Variants in WWOX observed in about 807,000 individuals in gnomAD.
WWOX encodes the protein WW domain containing oxidoreductase.
A neutral mutation model predicts 46.2 loss-of-function variants in WWOX; 69 were observed. The observed-to-expected ratio is 1.49, with a 90% CI of 1.23 to 1.82. WWOX has a LOEUF of 1.82. Ranked by LOEUF, WWOX falls within the 40% of genes most tolerant of loss-of-function variation. The pLI, the probability that WWOX is intolerant of heterozygous loss-of-function variation, is 0.00. For synonymous variants in WWOX, 359 were observed against 202.6 expected (o/e 1.77, Z -6.56); for missense variants, 919 against 542.6 (o/e 1.69, Z -6.89).
At chr16:78,289,825 G>T (rs959915615) in intron 5 of WWOX, among the ~76,000 whole-genome samples, 4 of 152,048 alleles carry the variant, frequency 2.6e-5, no homozygotes, top group African/African-American at 9.7e-5. Flanking sequence ...GAGAAACGCC[G>T]TTTGCTTGAT....
At chr16:78,239,628 G>A (rs1840280945) in intron 5 of WWOX, among the ~76,000 whole-genome samples, 1 of 152,084 alleles carries the variant, frequency 6.6e-6, no homozygotes, top group East Asian at 1.9e-4. Flanking sequence ...TCCGCCTCCT[G>A]GGTTCAAGCA....
intron 8 of WWOX, among the ~76,000 whole-genome samples, chr16:79,161,136 A>G (rs16949736): frequency 0.036 from 5,472 of 152,280 alleles, 343 homozygotes; most frequent in African/African-American, 0.12. Flanking sequence ...TGGATTAGAT[A>G]AGGCAATTCT....
intron 8 of WWOX, among the ~76,000 whole-genome samples, chr16:79,109,714 A>T (rs987971967): frequency 6.6e-6 from 1 of 151,998 alleles, no homozygotes; most frequent in Non-Finnish European, 1.5e-5. Flanking sequence ...TCATAGAACA[A>T]CTCCTTGCTT....
intron 8 of WWOX, among the ~76,000 whole-genome samples, chr16:78,995,215 C>G (rs917559785): frequency 3.3e-5 from 5 of 151,956 alleles, no homozygotes; most frequent in African/African-American, 1.2e-4. Context: ...TTTCCAAATA[C>G]GTGATTCCAA....
chr16:78,710,651 G>C (rs913568949), intron 8 of WWOX, among the ~76,000 whole-genome samples: 1 of 150,028 alleles, frequency 6.7e-6, no homozygotes, highest in Admixed American at 6.7e-5. Context: ...GTCTTGCTCT[G>C]TCACTCAGGC....
chr16:78,590,584 G>C (rs1353371294), intron 8 of WWOX, among the ~76,000 whole-genome samples: 1 of 152,196 alleles, frequency 6.6e-6, no homozygotes, highest in Non-Finnish European at 1.5e-5. Context: ...AGGTGTTGAG[G>C]AGACATAACC....
In WWOX at chr16:78,386,939, C is replaced by A. The variant is rs890212192; in HGVS notation, c.596C>A (p.Ala199Asp). 6.2e-7 allele frequency: 1 copy of A among 1,613,994 alleles called. No individual in the cohort carries two copies. Among genetic ancestry groups the A allele is most frequent in the Non-Finnish European group, 8.5e-7 (1 of 1,179,916 alleles). ...SVQHFAEAFK[A>D]KNVPLHVLVC... ...CAGCATTTTGCTGAAGCATTCAAGG[C>A]CAAGAATGTGTGAGTGTTCCAGTGG... The change falls in exon 6 of 9, where the codon GCC becomes GAC. Residue 199 changes from alanine (A) to aspartate (D), a missense_variant. Ala to Asp is a moderately radical substitution (Grantham distance 126). Transcript: ENST00000566780.
chr16:78,396,521 C>G (rs2082291250), intron 6 of WWOX, among the ~76,000 whole-genome samples: 1 of 152,158 alleles, frequency 6.6e-6, no homozygotes, highest in South Asian at 2.1e-4. Flanking sequence ...AGAGTAAAAA[C>G]CACGCTTTGG....
chr16:79,000,321 T>C (rs1349205791), intron 8 of WWOX, among the ~76,000 whole-genome samples: 2 of 152,182 alleles, frequency 1.3e-5, no homozygotes, highest in African/African-American at 4.8e-5. Context: ...GCCCTACTCC[T>C]AATTCCATGG....
At chr16:79,028,364 C>T (rs1164377913) in intron 8 of WWOX, among the ~76,000 whole-genome samples, 1 of 151,872 alleles carries the variant, frequency 6.6e-6, no homozygotes, top group East Asian at 1.9e-4. Context: ...CAAAATATAG[C>T]TAAATTCAGT....
At chr16:78,391,800 G>A (rs936016996) in intron 6 of WWOX, among the ~76,000 whole-genome samples, 15 of 152,142 alleles carry the variant, frequency 9.9e-5, no homozygotes, top group Non-Finnish European at 1.3e-4. Flanking sequence ...GCAGTGAGCC[G>A]AGATCATGCC....
chr16:78,721,365 G>T (rs2048685204), intron 8 of WWOX, among the ~76,000 whole-genome samples: 1 of 152,076 alleles, frequency 6.6e-6, no homozygotes, highest in South Asian at 2.1e-4. Flanking sequence ...TTAATTTTTA[G>T]GTCTGTATTT....
intron 8 of WWOX, among the ~76,000 whole-genome samples, chr16:78,931,147 G>C (rs2045615721): frequency 6.6e-6 from 1 of 152,158 alleles, no homozygotes; most frequent in Admixed American, 6.5e-5. Flanking sequence ...TTGTCCTTAA[G>C]GAGCTTACGA....
chr16:78,443,195 C>T (rs886159844), intron 8 of WWOX, among the ~76,000 whole-genome samples: 2 of 145,264 alleles, frequency 1.4e-5, no homozygotes, highest in Non-Finnish European at 3.0e-5. Flanking sequence ...GTCCCAGCTA[C>T]TTGGGAGGCT....
chr16:79,189,423 TTGTGTGTGTGTGTG>T (rs4035319), intron 8 of WWOX, among the ~76,000 whole-genome samples: 125 of 114,972 alleles, frequency 1.1e-3, no homozygotes, highest in African/African-American at 2.6e-3. Flanking sequence ...ACTCCCAGCT[TTGTGTGTGTGTGTG>T]TGTGTGTGTG....
intron 8 of WWOX, among the ~76,000 whole-genome samples, chr16:78,758,061 T>A (rs1294476366): frequency 6.6e-6 from 1 of 152,178 alleles, no homozygotes; most frequent in Non-Finnish European, 1.5e-5. Flanking sequence ...CCTATTATTA[T>A]TAATATTTAA....
At chr16:78,861,772 TG>T (rs1246350939) in intron 8 of WWOX, among the ~76,000 whole-genome samples, 1 of 152,210 alleles carries the variant, frequency 6.6e-6, no homozygotes, top group Non-Finnish European at 1.5e-5. Flanking sequence ...AAAAGTTGGT[TG>T]AATAGTTTCT....
intron 8 of WWOX, among the ~76,000 whole-genome samples, chr16:78,768,619 C>T (rs1048254372): frequency 2.0e-5 from 3 of 151,092 alleles, no homozygotes; most frequent in African/African-American, 2.4e-5. Context: ...GGCTTTGGAG[C>T]TTCCTAATTT....
At chr16:78,743,513 A>G (rs572809609) in intron 8 of WWOX, among the ~76,000 whole-genome samples, 2 of 152,216 alleles carry the variant, frequency 1.3e-5, no homozygotes, top group East Asian at 3.9e-4. Context: ...GAGGCAGGGA[A>G]TCTAAGGCTG....
Sources: allele counts gnomAD v4.1 joint callset (sites outside exome capture counted in the v4.1 genomes callset), GRCh38; gene constraint gnomAD v4.1.1; transcripts MANE v1.5; gene names NCBI Gene and HGNC (gene_info 2026-07-23, HGNC 2026-07-21).